Variants in CTTN observed in about 807,000 individuals in gnomAD.
CTTN encodes cortactin, also known as src substrate cortactin.
CTTN carries 28 observed loss-of-function variants against 84.0 expected under a neutral mutation model. The observed-to-expected ratio is 0.33, with a 90% CI of 0.25 to 0.46. The LOEUF (loss-of-function observed/expected upper bound fraction) is 0.46, where lower values mean the gene tolerates loss of function less well. Among genes scored for constraint, CTTN ranks in the 20% least tolerant of loss-of-function variants. The probability of loss-of-function intolerance (pLI) is 1.00; values close to 1 mark genes in which losing one functional copy is unlikely to be tolerated. For missense variants in CTTN, 641 were observed against 723.8 expected, an observed-to-expected ratio of 0.89 and a Z score of 1.31; for synonymous variants, 301 against 288.8, an observed-to-expected ratio of 1.04 and a Z score of -0.43.
chr11:70,423,063 G>A (rs374740185), intron 12 of CTTN, 68 bp downstream of exon 12: 240 of 1,580,390 alleles, frequency 1.5e-4, no homozygotes, highest in Non-Finnish European at 2.0e-4. Context: ...GTGGCTCACC[G>A]TGCTGGCCAA....
chr11:70,416,308 G>A (rs1320092641), intron 7 of CTTN: 1 of 152,966 alleles, frequency 6.5e-6, no homozygotes, highest in African/African-American at 2.4e-5. Context: ...ACGCAGTCTC[G>A]GTGCAGTCTA....
chr11:70,435,398 T>C lies in CTTN; in HGVS notation c.*236T>C. ...TGTAATCACATTCCTTAGGAGGACT[T>C]TGGTAATTGGTTTTATGCATTGATG... On this transcript the variant is annotated 3_prime_UTR_variant, in exon 18 of 18. Transcript: ENST00000301843. 1 of 1,496,146 alleles carries C rather than the reference T, an allele frequency of 6.7e-7. No individual in the cohort carries two copies. The highest frequency in any genetic ancestry group is 8.8e-7 in the Non-Finnish European group (1 of 1,133,330). The allele number at this position is 1,496,146 out of a possible 1,614,324, so 92.7% of individuals were successfully genotyped here.
chr11:70,435,904 C>G lies in CTTN; in HGVS notation c.*742C>G. The stretch of plus-strand genomic sequence containing the variant: ...GAGTCCTTGAAATCCTCCCCTGCCC[C>G]GCGGGTCTCTGGATTGGGACGCACA... On this transcript the variant is annotated 3_prime_UTR_variant, in exon 18 of 18. Transcript: ENST00000301843. The G allele has an allele frequency of 2.7e-6, 4 of 1,473,228 alleles. No homozygotes were observed. Among genetic ancestry groups the G allele is most frequent in the Non-Finnish European group, 3.6e-6 (4 of 1,122,154 alleles). The allele number at this position is 1,473,228 out of a possible 1,614,324, so 91.3% of individuals were successfully genotyped here.
At chr11:70,407,176 T>G (rs1591431883) in intron 2 of CTTN, 122 bp from the exon 3 acceptor site, 1 of 711,722 alleles carries the variant, frequency 1.4e-6, no homozygotes, top group South Asian at 1.8e-5. Context: ...GATTGGCTGG[T>G]CCTGCAGCCT....
At chr11:70,431,763 C>T (rs1442968848) in intron 15 of CTTN, among the ~76,000 whole-genome samples, 1 of 152,120 alleles carries the variant, frequency 6.6e-6, no homozygotes, top group African/African-American at 2.4e-5. Flanking sequence ...ACATGCTGTC[C>T]GGCCCCTCCC....
chr11:70,418,383 C>G (rs1467131790), intron 8 of CTTN, among the ~76,000 whole-genome samples: 1 of 152,262 alleles, frequency 6.6e-6, no homozygotes. Flanking sequence ...AGCGCATGCT[C>G]CGCGAAGCTG....
intron 12 of CTTN, among the ~76,000 whole-genome samples, chr11:70,423,336 T>C (rs995598483): frequency 2.6e-5 from 4 of 152,188 alleles, no homozygotes; most frequent in Non-Finnish European, 2.9e-5. Flanking sequence ...GTAAATCAGA[T>C]TGGAACCTGA....
At chr11:70,411,377 G>C (rs1199565916) in intron 5 of CTTN, among the ~76,000 whole-genome samples, 2 of 135,596 alleles carry the variant, frequency 1.5e-5, no homozygotes, top group Non-Finnish European at 3.0e-5. Context: ...AGTGCAGCGA[G>C]CGAAGCGTGT....
intron 14 of CTTN, among the ~76,000 whole-genome samples, chr11:70,430,644 G>A (rs529461995): frequency 6.6e-6 from 1 of 152,266 alleles, no homozygotes; most frequent in African/African-American, 2.4e-5. Flanking sequence ...CAGCAGCTTT[G>A]AGGGGCTATT....
intron 11 of CTTN, chr11:70,422,634 C>CTGTCCG: frequency 8.8e-6 from 12 of 1,368,936 alleles, no homozygotes; most frequent in Non-Finnish European, 1.2e-5. Flanking sequence ...TTGCAAAGGC[C>CTGTCCG]TGTCCGTGCC....
chr11:70,429,115 G>T lies in CTTN; in HGVS notation c.1092G>T (p.Glu364Asp). 1 of 1,614,208 alleles carries T rather than the reference G, an allele frequency of 6.2e-7. No homozygotes were observed. Among genetic ancestry groups the T allele is most frequent in the Non-Finnish European group, 8.5e-7 (1 of 1,180,052 alleles). ...ACCTCGCTAAGGAGAAAGAGCAGGAGGACAGGCGGAAGGCGGAGGCGGAGA... is the reference window on the plus strand; with the variant it reads ...ACCTCGCTAAGGAGAAAGAGCAGGATGACAGGCGGAAGGCGGAGGCGGAGA... The part of the protein sequence containing the change: ...FENLAKEKEQ[E>D]DRRKAEAERA... Residue 364 changes from glutamate to aspartate, a missense_variant, in exon 14 of 18, where the codon GAG becomes GAT. Glu to Asp is a conservative substitution (Grantham distance 45). Transcript: ENST00000301843.
intron 8 of CTTN, 122 bp downstream of exon 8, chr11:70,417,245 G>A (rs1198234): frequency 0.21 from 154,356 of 746,992 alleles, 17,637 homozygotes; most frequent in South Asian, 0.28. Context: ...TGTTCTTTTC[G>A]TACCAGTGTA....
intron 8 of CTTN, among the ~76,000 whole-genome samples, chr11:70,417,629 G>A (rs879039645): frequency 6.6e-6 from 1 of 151,984 alleles, no homozygotes; most frequent in Non-Finnish European, 1.5e-5. Context: ...CCGGCTAGCC[G>A]GGATTACAAG....
chr11:70,414,408 C>T, intron 5 of CTTN, 134 bp from the exon 6 acceptor site: 1 of 605,874 alleles, frequency 1.7e-6, no homozygotes, highest in Non-Finnish European at 2.9e-6. Context: ...TTCCTTGGCT[C>T]CCCAGATGGG....
chr11:70,403,984 A>G (rs1166358632), intron 1 of CTTN, among the ~76,000 whole-genome samples: 1 of 152,132 alleles, frequency 6.6e-6, no homozygotes, highest in Non-Finnish European at 1.5e-5. Context: ...GGGCTCAAGC[A>G]GTTCCCCCAC....
chr11:70,410,854 C>T (rs2058089607), intron 5 of CTTN, among the ~76,000 whole-genome samples: 1 of 152,094 alleles, frequency 6.6e-6, no homozygotes, highest in African/African-American at 2.4e-5. Flanking sequence ...CCTCATGCAC[C>T]AGCCAGATGA....
At chr11:70,400,206 C>T (rs966827384) in intron 1 of CTTN, among the ~76,000 whole-genome samples, 1 of 152,202 alleles carries the variant, frequency 6.6e-6, no homozygotes, top group African/African-American at 2.4e-5. Context: ...CGGTGGCTCA[C>T]ACCTGTAATC....
Position 70,409,965 on chromosome 11 carries a change from G to C in CTTN, c.291+5G>C, listed in dbSNP as rs1301963856. ...GAACAAGACCGAATGGATAAGGTAAGTGGCCCGCGGCTGCCTATGCCAGGC... is the reference window on the plus strand; with the variant it reads ...GAACAAGACCGAATGGATAAGGTAACTGGCCCGCGGCTGCCTATGCCAGGC... On this transcript the variant is annotated splice_donor_5th_base_variant and intron_variant, in intron 5 of 17. Transcript: ENST00000301843. The C allele has an allele frequency of 6.2e-7, 1 of 1,613,914 alleles. No individual in the cohort carries two copies.
At chr11:70,418,351 C>T (rs1478424371) in intron 8 of CTTN, among the ~76,000 whole-genome samples, 1 of 152,270 alleles carries the variant, frequency 6.6e-6, no homozygotes, top group African/African-American at 2.4e-5. Flanking sequence ...CCTCCTCTTC[C>T]CGACACCACA....
Sources: allele counts gnomAD v4.1 joint callset (sites outside exome capture counted in the v4.1 genomes callset), GRCh38; gene constraint gnomAD v4.1.1; transcripts MANE v1.5; gene names NCBI Gene and HGNC (gene_info 2026-07-23, HGNC 2026-07-21).